Variants in RBFOX3 observed in about 807,000 individuals in gnomAD.
RBFOX3 encodes the protein RNA binding fox-1 homolog 3, also known as RNA binding protein fox-1 homolog 3.
A neutral mutation model predicts 48.7 loss-of-function variants in RBFOX3; 17 were observed. That is an observed-to-expected ratio of 0.35 (90% CI 0.24 to 0.52). The LOEUF is 0.52. RBFOX3 is among the 20% of genes least tolerant of loss of function. The pLI is 0.94. For synonymous variants in RBFOX3, 212 were observed against 209.5 expected, an observed-to-expected ratio of 1.01 and a Z score of -0.10; for missense variants, 382 against 497.5, an observed-to-expected ratio of 0.77 and a Z score of 2.21.
chr17:79,150,926 T>C (rs1167503970), intron 4 of RBFOX3, among the ~76,000 whole-genome samples: 1 of 152,176 alleles, frequency 6.6e-6, no homozygotes, highest in African/African-American at 2.4e-5. Flanking sequence ...GGAGCCTCAG[T>C]TGGGCAACGA....
chr17:79,424,316 C>T (rs969318092), intron 2 of RBFOX3, among the ~76,000 whole-genome samples: 1 of 152,202 alleles, frequency 6.6e-6, no homozygotes, highest in Admixed American at 6.5e-5. Context: ...GTCTCTCCCT[C>T]GGCACTGACC....
rs2076923837 is a variant in RBFOX3, at chr17:79,103,991, G to A, written c.414+82C>T. 3.9e-6 allele frequency: 5 copies of A among 1,279,914 alleles called. No homozygotes were observed. In the Admixed American group the frequency reaches 5.9e-5, roughly 15 times the overall value. 79.3% of individuals were successfully genotyped at this position (1,279,914 alleles called of 1,614,324 possible). A position where few individuals can be genotyped will look rare whatever the true frequency, so the allele number is the denominator to read the frequency against. The stretch of plus-strand genomic sequence containing the variant: ...GGGTCCTCGGGCGCGAAGCTCTCCA[G>A]GAAGGAAACGCACATTTCACACGTT... On this transcript the variant is annotated intron_variant, in intron 7 of 14. Transcript: ENST00000693108. This position sits in a 1 kb window ranked among gnomAD's most constrained non-coding sequence, Gnocchi z 6.1.
At chr17:79,463,241 ATCG>A in intron 2 of RBFOX3, among the ~76,000 whole-genome samples, 1 of 125,434 alleles carries the variant, frequency 8.0e-6, no homozygotes, top group African/African-American at 3.1e-5. Flanking sequence ...TGCCACTGCC[ATCG>A]CCACTGCCAC....
chr17:79,504,363 C>A (rs2082790889), intron 1 of RBFOX3, among the ~76,000 whole-genome samples: 1 of 152,210 alleles, frequency 6.6e-6, no homozygotes, highest in African/African-American at 2.4e-5. Context: ...TGGCACATTT[C>A]TTTACAACAC....
intron 2 of RBFOX3, among the ~76,000 whole-genome samples, chr17:79,399,358 G>A (rs998509313): frequency 2.0e-5 from 3 of 152,250 alleles, no homozygotes; most frequent in South Asian, 2.1e-4. Flanking sequence ...CACACAGCTG[G>A]TAAATCAGCA....
intron 2 of RBFOX3, among the ~76,000 whole-genome samples, chr17:79,319,971 CT>C (rs974465521): frequency 6.8e-6 from 1 of 147,506 alleles, no homozygotes; most frequent in Admixed American, 6.8e-5. Flanking sequence ...CTTGTCCGGG[CT>C]GCTGGTCTTG....
Position 79,103,340 on chromosome 17 carries a change from G to A in RBFOX3, c.415-86C>T, listed in dbSNP as rs2076788968. 5 of 901,698 alleles carry A rather than the reference G, an allele frequency of 5.5e-6. No individual in the cohort carries two copies. The highest frequency in any genetic ancestry group is 8.9e-6 in the Non-Finnish European group (5 of 559,866). 55.9% of individuals were successfully genotyped at this position (901,698 alleles called of 1,614,324 possible). ...AGGAAGACGAGGAAGAAGAGGAGTGGGAGGGGGGCAGGGGAGTGGGGAGAG... is the reference window on the plus strand; with the variant it reads ...AGGAAGACGAGGAAGAAGAGGAGTGAGAGGGGGGCAGGGGAGTGGGGAGAG... On this transcript the variant is annotated intron_variant, in intron 7 of 14. Transcript: ENST00000693108. This position sits in a 1 kb window ranked among gnomAD's most constrained non-coding sequence, Gnocchi z 6.1.
At chr17:79,126,022 T>C (rs1476242573) in intron 4 of RBFOX3, among the ~76,000 whole-genome samples, 1 of 152,228 alleles carries the variant, frequency 6.6e-6, no homozygotes, top group Non-Finnish European at 1.5e-5. Flanking sequence ...ATTCTCCTGC[T>C]GACCTGCAGA....
intron 2 of RBFOX3, among the ~76,000 whole-genome samples, chr17:79,416,767 A>C (rs561110985): frequency 3.9e-5 from 6 of 152,220 alleles, no homozygotes; most frequent in South Asian, 4.1e-4. Context: ...TGACAAGCGC[A>C]GCTGGCTGTT....
intron 2 of RBFOX3, among the ~76,000 whole-genome samples, chr17:79,460,445 T>C (rs2075230922): frequency 6.6e-6 from 1 of 151,984 alleles, no homozygotes; most frequent in Non-Finnish European, 1.5e-5. Flanking sequence ...GGTCTAGCTC[T>C]CCCTCCCTGC....
rs1378768600 is a variant in RBFOX3, at chr17:79,205,663, CAG to C, written c.-34+30101_-34+30102del. ...AGAACCCTACAAAAACCAGATGAAT[CAG>C]AGTGGGTGATGGTGGATTACTGGAA... On this transcript the variant is annotated intron_variant, in intron 4 of 14. Transcript: ENST00000693108. The surrounding 1 kb of genome is among the most constrained non-coding windows in gnomAD (Gnocchi z 4.5). Among the ~76,000 whole-genome samples, 5 of 152,174 alleles carry C rather than the reference CAG, an allele frequency of 3.3e-5. No individual in the cohort carries two copies. Among genetic ancestry groups the C allele is most frequent in the African/African-American group, 1.2e-4 (5 of 41,448 alleles).
intron 3 of RBFOX3, among the ~76,000 whole-genome samples, chr17:79,268,161 TCG>T (rs1357667605): frequency 9.8e-5 from 1 of 10,234 alleles, no homozygotes; most frequent in Admixed American, 3.8e-3. Context: ...GAGTGGCTTC[TCG>T]TCTGCGAGTC....
rs2058473755 is a variant in RBFOX3, at chr17:79,212,236, C to T, written c.-34+23530G>A. On this transcript the variant is annotated intron_variant, in intron 4 of 14. Transcript: ENST00000693108. This position sits in a 1 kb window ranked among gnomAD's most constrained non-coding sequence, Gnocchi z 4.7. ...TCAAACTCTAGACACCCTTGGCCAC[C>T]CGCTGCCCTGGGTTCTTCCAGGCTG... Among the ~76,000 whole-genome samples the T allele has an allele frequency of 6.6e-6, 1 of 152,208 alleles. No individual in the cohort carries two copies. The highest frequency in any genetic ancestry group is 2.4e-5 in the African/African-American group (1 of 41,456).
At chr17:79,113,600 C>G (rs1429609389) in intron 5 of RBFOX3, among the ~76,000 whole-genome samples, 1 of 152,166 alleles carries the variant, frequency 6.6e-6, no homozygotes, top group African/African-American at 2.4e-5. Flanking sequence ...AGGCTAATAA[C>G]TGGGTGGTGA....
chr17:79,237,220 C>T (rs969915117), intron 3 of RBFOX3, among the ~76,000 whole-genome samples: 8 of 152,208 alleles, frequency 5.3e-5, no homozygotes, highest in African/African-American at 1.9e-4. Context: ...AATTGAAAGA[C>T]GGTCAGACTG....
chr17:79,226,891 G>A (rs2060371717), intron 4 of RBFOX3, among the ~76,000 whole-genome samples: 1 of 152,240 alleles, frequency 6.6e-6, no homozygotes, highest in African/African-American at 2.4e-5. Context: ...GACTGGATAA[G>A]GACAGACTCC....
intron 1 of RBFOX3, among the ~76,000 whole-genome samples, chr17:79,505,569 T>C (rs1419900181): frequency 6.6e-6 from 1 of 152,196 alleles, no homozygotes. Flanking sequence ...TGGCGGAGTC[T>C]GCTTCTGGGA....
intron 1 of RBFOX3, among the ~76,000 whole-genome samples, chr17:79,571,409 C>A (rs1374700859): frequency 6.6e-6 from 1 of 152,136 alleles, no homozygotes; most frequent in Non-Finnish European, 1.5e-5. Flanking sequence ...TCTGCCTATG[C>A]CTGCGGGTGC....
intron 2 of RBFOX3, among the ~76,000 whole-genome samples, chr17:79,463,573 C>T (rs1274642822): frequency 2.7e-5 from 4 of 147,016 alleles, no homozygotes; most frequent in African/African-American, 1.0e-4. Context: ...CCACCACCAT[C>T]GCCACTGCCA....
Sources: allele counts gnomAD v4.1 joint callset (sites outside exome capture counted in the v4.1 genomes callset), GRCh38; gene constraint gnomAD v4.1.1; non-coding constraint Gnocchi (gnomAD v3.1); transcripts MANE v1.5; gene names NCBI Gene and HGNC (gene_info 2026-07-23, HGNC 2026-07-21).